Variants in KANSL1 observed in about 807,000 individuals in gnomAD.
KANSL1 encodes KAT8 regulatory NSL complex subunit 1.
A neutral mutation model predicts 103.6 loss-of-function variants in KANSL1; 22 were observed. That is an observed-to-expected ratio of 0.21 (90% confidence interval 0.15 to 0.30). The LOEUF is 0.30. Ranked by LOEUF, KANSL1 falls within the 10% of genes least tolerant of loss-of-function variation. The pLI is 1.00. For missense variants in KANSL1, 1,337 were observed against 1,399.8 expected, an observed-to-expected ratio of 0.96 and a Z score of 0.72; for synonymous variants, 600 against 527.6, an observed-to-expected ratio of 1.14 and a Z score of -1.88.
intron 2 of KANSL1, among the ~76,000 whole-genome samples, chr17:46,106,038 C>A (rs1206746735): frequency 6.6e-6 from 1 of 152,164 alleles, no homozygotes; most frequent in Admixed American, 6.5e-5. Context: ...ACATATTCCA[C>A]AGGGAGAACT....
intron 1 of KANSL1, among the ~76,000 whole-genome samples, chr17:46,175,401 G>A (rs1190355322): frequency 1.3e-5 from 2 of 151,764 alleles, no homozygotes; most frequent in African/African-American, 2.4e-5. Context: ...CCAGGCTGGA[G>A]TGCAGTGGCG....
intron 2 of KANSL1, among the ~76,000 whole-genome samples, chr17:46,111,011 G>A (rs2042779252): frequency 6.6e-6 from 1 of 152,152 alleles, no homozygotes; most frequent in Non-Finnish European, 1.5e-5. Flanking sequence ...CAAATAACAA[G>A]AACATGTCAT....
At chr17:46,195,313 G>GAACTGTCAGATTTAATTAGGCAACC (rs2047570021), upstream of KANSL1, among the ~76,000 whole-genome samples, 1 of 152,090 alleles carries the variant, frequency 6.6e-6, no homozygotes, top group South Asian at 2.1e-4. Flanking sequence ...TTTTAAGACT[G>GAACTGTCAGATTTAATTAGGCAACC]AACTGTCAGA....
chr17:46,204,155 A>C (rs1384831701), intron 1 of KANSL1, among the ~76,000 whole-genome samples: 1 of 152,174 alleles, frequency 6.6e-6, no homozygotes, highest in East Asian at 1.9e-4. Context: ...CCCTATCTCT[A>C]AAACAAACAT....
At chr17:46,196,553 A>G (rs1048333), upstream of KANSL1, 49,422 of 399,890 alleles carry the variant, frequency 0.12, no homozygotes, top group Non-Finnish European at 0.17. Flanking sequence ...CAAAGGGAAT[A>G]GAGAGTTGGT....
chr17:46,099,563 G>A (rs1384576395), intron 2 of KANSL1, among the ~76,000 whole-genome samples: 1 of 152,160 alleles, frequency 6.6e-6, no homozygotes, highest in Non-Finnish European at 1.5e-5. Context: ...ATACAATGAG[G>A]ACTTGGTTTC....
chr17:46,090,689 T>C (rs771194334), intron 3 of KANSL1, among the ~76,000 whole-genome samples: 1 of 152,356 alleles, frequency 6.6e-6, no homozygotes, highest in East Asian at 1.9e-4. Flanking sequence ...ATAAGCAACA[T>C]ACATTCATGT....
chr17:46,170,974 G>A lies in KANSL1; in HGVS notation c.1170C>T (p.Asn390=). The A allele has an allele frequency of 6.2e-7, 1 of 1,614,194 alleles. No individual in the cohort carries two copies. Among genetic ancestry groups the A allele is most frequent in the Non-Finnish European group, 8.5e-7 (1 of 1,180,060 alleles). Residue 390 remains asparagine (N), a synonymous_variant, in exon 2 of 15, where the codon AAC becomes AAT. Coordinates refer to ENST00000432791, the MANE Select transcript of KANSL1 (RefSeq NM_015443.4). ...LERFTASGIA[N]LRCSEQAFDS... is the part of the protein sequence containing the mutation. ...CAAATGCCTGTTCACTGCACCTCAA[G>A]TTGGCTATGCCACTAGCTGTAAATC...
chr17:46,093,855 G>A (rs560640048), intron 3 of KANSL1: 1 of 152,344 alleles, frequency 6.6e-6, no homozygotes, highest in East Asian at 1.9e-4. Context: ...GGATTTTTGA[G>A]AACACTGCTG....
intron 7 of KANSL1, chr17:46,044,119 G>A (rs1391702019): frequency 2.0e-5 from 3 of 151,914 alleles, no homozygotes; most frequent in African/African-American, 4.8e-5. Context: ...CTGAAAGTAA[G>A]CAAAAAAAGG....
chr17:46,157,947 C>T (rs1271018354), intron 2 of KANSL1, among the ~76,000 whole-genome samples: 1 of 152,208 alleles, frequency 6.6e-6, no homozygotes, highest in Non-Finnish European at 1.5e-5. Flanking sequence ...AACATTTTCG[C>T]CCAGTTGGAA....
chr17:46,033,605 G>A, intron 11 of KANSL1, 145 bp from the exon 12 acceptor site: 1 of 699,082 alleles, frequency 1.4e-6, no homozygotes, highest in Non-Finnish European at 2.5e-6. Flanking sequence ...TCACAGCTCA[G>A]TCTCCCTACC....
intron 2 of KANSL1, among the ~76,000 whole-genome samples, chr17:46,165,342 C>T (rs1200707557): frequency 6.6e-6 from 1 of 152,104 alleles, no homozygotes; most frequent in Admixed American, 6.5e-5. Context: ...TGGCCATTCT[C>T]CTGCCTCAGC....
At chr17:46,034,485 A>G (rs1421834895) in intron 10 of KANSL1, 200 bp from the exon 11 acceptor site, 1 of 522,864 alleles carries the variant, frequency 1.9e-6, no homozygotes, top group Non-Finnish European at 3.4e-6. Context: ...CCAGGTGGTC[A>G]TGAGGAGTTA....
chr17:46,115,693 G>A (rs1402974074), intron 2 of KANSL1, among the ~76,000 whole-genome samples: 2 of 152,166 alleles, frequency 1.3e-5, no homozygotes, highest in African/African-American at 4.8e-5. Context: ...TACTCAAAAA[G>A]TATGCTTAAA....
intron 2 of KANSL1, among the ~76,000 whole-genome samples, chr17:46,113,051 T>C (rs796833949): frequency 2.6e-5 from 4 of 152,046 alleles, no homozygotes; most frequent in African/African-American, 9.6e-5. Context: ...TCAATTTAAG[T>C]GGGAAGAAGA....
At chr17:46,198,131 A>G (rs560257146), upstream of KANSL1, among the ~76,000 whole-genome samples, 83 of 152,222 alleles carry the variant, frequency 5.5e-4, no homozygotes, top group African/African-American at 2.0e-3. Context: ...TGAATAAATG[A>G]AAAAGGTAGA....
At chr17:46,047,185 CA>C (rs1313715829) in intron 7 of KANSL1, among the ~76,000 whole-genome samples, 11 of 152,032 alleles carry the variant, frequency 7.2e-5, no homozygotes, top group Admixed American at 7.2e-4. Flanking sequence ...TAACAAAAGC[CA>C]AAAATCCCGG....
intron 2 of KANSL1, among the ~76,000 whole-genome samples, chr17:46,096,311 C>CTTCTTTTTTTTTTTTTTTT (rs2042066339): frequency 1.3e-5 from 1 of 76,408 alleles, no homozygotes; most frequent in African/African-American, 5.6e-5. Context: ...GCTTTTTTTT[C>CTTCTTTTTTTTTTTTTTTT]TTTTTTTTTT....
Sources: allele counts gnomAD v4.1 joint callset (sites outside exome capture counted in the v4.1 genomes callset), GRCh38; gene constraint gnomAD v4.1.1; transcripts MANE v1.5; gene names NCBI Gene and HGNC (gene_info 2026-07-23, HGNC 2026-07-21).